Variants in CADPS observed in about 807,000 individuals in gnomAD.
CADPS encodes the protein calcium-dependent secretion activator 1.
In CADPS, 57 loss-of-function variants were observed where a neutral mutation model predicts 167.3. The observed-to-expected ratio is 0.34, with a 90% CI of 0.28 to 0.42. CADPS has a LOEUF of 0.42. CADPS is among the 20% of genes least tolerant of loss of function. The pLI is 1.00. For synonymous variants in CADPS, 676 were observed against 635.3 expected (o/e 1.06, Z -0.96); for missense variants, 1,414 against 1,738.1 (o/e 0.81, Z 3.32).
chr3:62,552,654 C>T (rs1045617188), intron 10 of CADPS, among the ~76,000 whole-genome samples: 7 of 152,162 alleles, frequency 4.6e-5, no homozygotes, highest in Non-Finnish European at 1.0e-4. Flanking sequence ...TTTCTGGTAA[C>T]ATTAAGACTT....
At chr3:62,437,009 T>TACAC (rs557964070) in intron 28 of CADPS, among the ~76,000 whole-genome samples, 1 of 148,872 alleles carries the variant, frequency 6.7e-6, no homozygotes, top group East Asian at 2.0e-4. Flanking sequence ...CACACACACA[T>TACAC]ACACACACAC....
chr3:62,874,716 A>C lies in CADPS; in HGVS notation c.314T>G (p.Leu105Trp). The change falls in exon 1 of 30, where the codon TTG (leucine) becomes TGG (tryptophan). Residue 105 changes from leucine (L) to tryptophan (W), a missense_variant. Around this residue, in one of 6 missense-constraint regions of CADPS, gnomAD observed 522 missense variants for 559.5 expected, o/e 0.93. Coordinates refer to ENST00000383710, the MANE Select transcript of CADPS (RefSeq NM_003716.4). This position sits in a 1 kb window ranked among gnomAD's most constrained non-coding sequence, Gnocchi z 7.1. Reference sequence around the variant, plus strand: ...CTCCTCCTCTTTCTGCAGCCGCTCCAACTCTTCCTTCTCCTTCTCGCTCAC... The same window carrying C: ...CTCCTCCTCTTTCTGCAGCCGCTCCCACTCTTCCTTCTCCTTCTCGCTCAC... ...SVVSEKEKEE[L>W]ERLQKEEEER... The C allele has an allele frequency of 6.5e-7, 1 of 1,540,536 alleles. No individual in the cohort carries two copies. Among genetic ancestry groups the C allele is most frequent in the Non-Finnish European group, 8.8e-7 (1 of 1,136,774 alleles).
At position 62,492,528 on chromosome 3, in the gene CADPS, C is replaced by T. The variant is rs1561192350; in HGVS notation, c.2728-82G>A. 11 of 1,366,098 alleles carry T rather than the reference C, an allele frequency of 8.1e-6. No individual in the cohort carries two copies. In the South Asian group the frequency reaches 1.4e-4, roughly 18 times the overall value. The allele number at this position is 1,366,098 out of a possible 1,614,324, so 84.6% of individuals were successfully genotyped here. A position where few individuals can be genotyped will look rare whatever the true frequency, so the allele number is the denominator to read the frequency against. ...CATAAGACGTGAATTCCAGCCCTCA[C>T]TGTTCAAAATTAATGGTGCATCCAG... is the stretch of plus-strand genomic sequence containing the variant. On this transcript the variant is annotated intron_variant, in intron 19 of 29. Coordinates refer to ENST00000383710, the MANE Select transcript of CADPS (RefSeq NM_003716.4).
intron 10 of CADPS, 84 bp downstream of exon 10, chr3:62,557,321 T>G: frequency 1.1e-6 from 1 of 900,246 alleles, no homozygotes. Context: ...TAGCATGGAG[T>G]AAGTGCCCAG....
intron 7 of CADPS, among the ~76,000 whole-genome samples, chr3:62,589,432 G>C (rs962383075): frequency 6.6e-6 from 1 of 152,262 alleles, no homozygotes; most frequent in African/African-American, 2.4e-5. Context: ...ATTATGAAAT[G>C]AGTGTGTGTG....
intron 1 of CADPS, chr3:62,796,413 C>T (rs1232843038): frequency 6.6e-6 from 1 of 152,150 alleles, no homozygotes; most frequent in Non-Finnish European, 1.5e-5. Context: ...AGCTACCATG[C>T]TGTGGCTTAT....
intron 2 of CADPS, among the ~76,000 whole-genome samples, chr3:62,761,845 G>C (rs1048127079): frequency 6.6e-5 from 10 of 152,272 alleles, no homozygotes; most frequent in African/African-American, 2.2e-4. Flanking sequence ...CCAGATCTCA[G>C]AGCACCCATC....
At position 62,554,258 on chromosome 3, in the gene CADPS, C is replaced by A. The variant is rs139753929; in HGVS notation, c.1753+3147G>T. Among the ~76,000 whole-genome samples the A allele has an allele frequency of 1.1e-3, 173 of 152,274 alleles. 3 individuals are homozygous for A. Among genetic ancestry groups the A allele is most frequent in the African/African-American group, 3.9e-3 (164 of 41,562 alleles). Reference sequence around the variant, plus strand: ...TTTATTTTTAGCTTAAAAGGAGTAGCTTGTAAGTGAAACTTACATAATTTG... The same window carrying A: ...TTTATTTTTAGCTTAAAAGGAGTAGATTGTAAGTGAAACTTACATAATTTG... On this transcript the variant is annotated intron_variant, in intron 10 of 29. Transcript: ENST00000383710.
chr3:62,663,718 AC>A (rs2073859172), intron 3 of CADPS, among the ~76,000 whole-genome samples: 1 of 151,948 alleles, frequency 6.6e-6, no homozygotes, highest in Admixed American at 6.6e-5. Context: ...ATATGGTCAT[AC>A]TTTTGAAGCA....
intron 5 of CADPS, among the ~76,000 whole-genome samples, chr3:62,649,850 C>A (rs2069625724): frequency 6.6e-6 from 1 of 152,028 alleles, no homozygotes; most frequent in Admixed American, 6.6e-5. Flanking sequence ...CCATGCCAAG[C>A]CTGGCTTTTT....
chr3:62,814,013 CACTT>C (rs1233639088), intron 1 of CADPS, among the ~76,000 whole-genome samples: 4 of 152,110 alleles, frequency 2.6e-5, no homozygotes, highest in African/African-American at 9.7e-5. Flanking sequence ...CTGCACACAG[CACTT>C]ACTAAATGTA....
intron 3 of CADPS, among the ~76,000 whole-genome samples, chr3:62,680,074 G>A (rs1391562164): frequency 6.6e-6 from 1 of 152,052 alleles, no homozygotes; most frequent in Non-Finnish European, 1.5e-5. Flanking sequence ...TAGGAAGGGA[G>A]CACCGTAATC....
chr3:62,868,392 T>A (rs535582510), intron 1 of CADPS, among the ~76,000 whole-genome samples: 2 of 152,116 alleles, frequency 1.3e-5, no homozygotes, highest in Non-Finnish European at 2.9e-5. Context: ...TGATTAACAT[T>A]CTATTATTTA....
At chr3:62,851,480 A>C (rs2153103862) in intron 1 of CADPS, among the ~76,000 whole-genome samples, 1 of 148,986 alleles carries the variant, frequency 6.7e-6, no homozygotes, top group Admixed American at 6.7e-5. Flanking sequence ...GTGGTGACAA[A>C]ATCTCTCAGC....
chr3:62,763,207 T>C (rs981643136), intron 2 of CADPS, among the ~76,000 whole-genome samples: 1 of 152,132 alleles, frequency 6.6e-6, no homozygotes, highest in African/African-American at 2.4e-5. Context: ...AAGGGACATA[T>C]GATCCATGTC....
At chr3:62,678,600 C>T (rs1189833753) in intron 3 of CADPS, among the ~76,000 whole-genome samples, 1 of 152,012 alleles carries the variant, frequency 6.6e-6, no homozygotes, top group African/African-American at 2.4e-5. Flanking sequence ...TTTCTCTTCC[C>T]TGATAAGTGA....
At chr3:62,434,415 A>G (rs2054577766) in intron 28 of CADPS, among the ~76,000 whole-genome samples, 1 of 152,172 alleles carries the variant, frequency 6.6e-6, no homozygotes, top group Non-Finnish European at 1.5e-5. Context: ...TTAGTATTTT[A>G]TAGAAAGACT....
chr3:62,872,402 GAT>G (rs749451776), intron 1 of CADPS, among the ~76,000 whole-genome samples: 4 of 151,588 alleles, frequency 2.6e-5, no homozygotes, highest in Admixed American at 6.6e-5. Context: ...GTAATAAGGA[GAT>G]ATATATATAT....
At chr3:62,852,604 G>GAAA (rs368586358) in intron 1 of CADPS, among the ~76,000 whole-genome samples, 3,473 of 138,612 alleles carry the variant, frequency 0.025, 61 homozygotes, top group South Asian at 0.068. Context: ...ATCAAAAAAA[G>GAAA]AAAAAAAAAA....
Sources: gnomAD v4.1 joint callset for allele counts (sites outside exome capture counted in the v4.1 genomes callset) on GRCh38, gnomAD v4.1.1 for gene constraint, gnomAD v4.1.1 regional missense constraint, Gnocchi (gnomAD v3.1) non-coding constraint, MANE v1.5 for transcripts, NCBI Gene and HGNC (gene_info 2026-07-23, HGNC 2026-07-21) for gene names.